Variants in SORCS2 observed in about 807,000 individuals in gnomAD.
SORCS2 encodes the protein sortilin related VPS10 domain containing receptor 2.
Under a neutral mutation model 141.6 loss-of-function variants are expected in SORCS2, and 100 were observed. The observed-to-expected ratio is 0.71, with a 90% CI of 0.60 to 0.83. The LOEUF is 0.83. Ranked by LOEUF, SORCS2 falls within the 40% of genes least tolerant of loss-of-function variation. The pLI, the probability that SORCS2 is intolerant of heterozygous loss-of-function variation, is 0.00. For synonymous variants in SORCS2, 789 were observed against 676.9 expected, an observed-to-expected ratio of 1.17 and a Z score of -2.57; for missense variants, 1,646 against 1,560.2, an observed-to-expected ratio of 1.05 and a Z score of -0.93.
chr4:7,581,020 C>T (rs1716106847), intron 3 of SORCS2, among the ~76,000 whole-genome samples: 1 of 151,970 alleles, frequency 6.6e-6, no homozygotes, highest in African/African-American at 2.4e-5. Context: ...ATGATGTCAT[C>T]ATTTTACAGA....
At chr4:7,586,280 C>T (rs188705631) in intron 3 of SORCS2, among the ~76,000 whole-genome samples, 56 of 152,266 alleles carry the variant, frequency 3.7e-4, no homozygotes, top group African/African-American at 1.3e-3. Context: ...TCTGTTTCTA[C>T]GTTTTCATTC....
intron 1 of SORCS2, among the ~76,000 whole-genome samples, chr4:7,265,224 G>A (rs1676046314): frequency 6.6e-6 from 1 of 152,210 alleles, no homozygotes; most frequent in Non-Finnish European, 1.5e-5. Flanking sequence ...TGGGCACGAT[G>A]GCTCATGTCT....
intron 3 of SORCS2, among the ~76,000 whole-genome samples, chr4:7,534,016 G>A (rs1711894770): frequency 6.6e-6 from 1 of 152,232 alleles, no homozygotes; most frequent in Non-Finnish European, 1.5e-5. Flanking sequence ...CAAGCCCTGA[G>A]ACAGGTTATT....
intron 3 of SORCS2, among the ~76,000 whole-genome samples, chr4:7,561,322 G>C (rs1714532675): frequency 6.6e-6 from 1 of 151,158 alleles, no homozygotes; most frequent in Non-Finnish European, 1.5e-5. Flanking sequence ...ACTAACTACA[G>C]ACATGGAGGG....
At chr4:7,691,274 A>G (rs1490811790) in intron 11 of SORCS2, among the ~76,000 whole-genome samples, 1 of 152,220 alleles carries the variant, frequency 6.6e-6, no homozygotes, top group East Asian at 1.9e-4. Context: ...GGCCTGGCCC[A>G]GGGTGGGCCC....
In SORCS2 at chr4:7,377,356, C is replaced by CAG. The variant is rs11381328; in HGVS notation, c.481-18932_481-18931insAG. ...CCCAGTTCCAGAACTGGGGCTGTGA[C>CAG]GGGGGGGACAGATCGGACCTTCTGC... On this transcript the variant is annotated intron_variant, in intron 1 of 26. Coordinates refer to ENST00000507866, the MANE Select transcript of SORCS2 (RefSeq NM_020777.3). Among the ~76,000 whole-genome samples, 76 of 151,556 alleles carry CAG rather than the reference C, an allele frequency of 5.0e-4. No individual in the cohort carries two copies. In the East Asian group the frequency reaches 0.015, roughly 29 times the overall value.
At chr4:7,226,040 C>T (rs563647371) in intron 1 of SORCS2, among the ~76,000 whole-genome samples, 21 of 152,272 alleles carry the variant, frequency 1.4e-4, no homozygotes, top group Admixed American at 3.9e-4. Flanking sequence ...GTTTGAACTC[C>T]GCCACCGTGA....
chr4:7,478,183 G>C (rs1177338859), intron 2 of SORCS2, among the ~76,000 whole-genome samples: 1 of 152,210 alleles, frequency 6.6e-6, no homozygotes, highest in African/African-American at 2.4e-5. Context: ...TTTGAAAAAG[G>C]CCGGGCGTGT....
rs920154196 is a variant in SORCS2 at position 7,728,251 on chromosome 4, G to A, written c.2870-99G>A. 1.2e-5 allele frequency: 9 copies of A among 781,772 alleles called. No individual in the cohort carries two copies. In the African/African-American group the frequency reaches 1.6e-4, roughly 14 times the overall value. The allele number at this position is 781,772 out of a possible 1,614,324, so 48.4% of individuals were successfully genotyped here. On this transcript the variant is annotated intron_variant, in intron 21 of 26. Transcript: ENST00000507866. ...GGGATCTGAATCAAAGGCCTCCCGG[G>A]ACCATCCAGGGCATGTGGCTGCCCC...
In SORCS2 at chr4:7,606,018, C is replaced by T. The variant is rs750912513; in HGVS notation, c.649-32310C>T. 7.9e-5 allele frequency among the ~76,000 whole-genome samples: 12 copies of T among 152,166 alleles called. 1 individual carries two copies. The highest frequency in any genetic ancestry group is 3.3e-4 in the Admixed American group (5 of 15,286). Reference sequence around the variant, plus strand: ...CGGGGGAACAGAAGAGCCACCGGAGCGTGGGGACACCACGTCAGGGAGAGG... The same window carrying T: ...CGGGGGAACAGAAGAGCCACCGGAGTGTGGGGACACCACGTCAGGGAGAGG... On this transcript the variant is annotated intron_variant, in intron 3 of 26. Coordinates refer to ENST00000507866, the MANE Select transcript of SORCS2 (RefSeq NM_020777.3).
chr4:7,339,080 T>C (rs1720210169), intron 1 of SORCS2, among the ~76,000 whole-genome samples: 1 of 152,228 alleles, frequency 6.6e-6, no homozygotes, highest in African/African-American at 2.4e-5. Flanking sequence ...AGATGTGGTA[T>C]CACCTGCCAT....
intron 1 of SORCS2, among the ~76,000 whole-genome samples, chr4:7,329,569 A>G (rs1245821572): frequency 3.3e-5 from 5 of 152,182 alleles, no homozygotes; most frequent in African/African-American, 4.8e-5. Context: ...TTCTTTGGTG[A>G]AGACCTTCAG....
At chr4:7,474,146 G>T (rs113359758) in intron 2 of SORCS2, among the ~76,000 whole-genome samples, 1 of 152,172 alleles carries the variant, frequency 6.6e-6, no homozygotes, top group Non-Finnish European at 1.5e-5. Context: ...CCAGAGCCTG[G>T]CACCTGCTCA....
At position 7,258,421 on chromosome 4, in the gene SORCS2, T is replaced by C. The variant is rs548569475; in HGVS notation, c.480+65295T>C. ...GTTTGGTTTTCTGATCTTGTGATAG[T>C]TTGCTGAGAATGATGGTTTCTAGCT... On this transcript the variant is annotated intron_variant, in intron 1 of 26. Coordinates refer to ENST00000507866, the MANE Select transcript of SORCS2 (RefSeq NM_020777.3). Among the ~76,000 whole-genome samples the C allele has an allele frequency of 9.8e-5, 15 of 152,346 alleles. 1 individual carries two copies. The South Asian group carries it at 2.1e-3, about 21-fold the overall frequency.
chr4:7,200,098 G>T (rs1011455773), intron 1 of SORCS2, among the ~76,000 whole-genome samples: 2 of 152,108 alleles, frequency 1.3e-5, no homozygotes, highest in African/African-American at 4.8e-5. Flanking sequence ...CTGCTCTGGA[G>T]GCCCTGATCC....
At chr4:7,563,028 A>T (rs1239657914) in intron 3 of SORCS2, among the ~76,000 whole-genome samples, 1 of 152,166 alleles carries the variant, frequency 6.6e-6, no homozygotes, top group Non-Finnish European at 1.5e-5. Context: ...CATTTAACCC[A>T]ATATGCCATG....
chr4:7,588,348 A>C (rs1716680376), intron 3 of SORCS2, among the ~76,000 whole-genome samples: 1 of 152,114 alleles, frequency 6.6e-6, no homozygotes, highest in Admixed American at 6.6e-5. Context: ...GATGAGGAGG[A>C]ATGGCTGTAT....
chr4:7,332,879 G>A (rs1041273490), intron 1 of SORCS2, among the ~76,000 whole-genome samples: 5 of 152,196 alleles, frequency 3.3e-5, no homozygotes, highest in African/African-American at 7.2e-5. Flanking sequence ...CCAGGCTTAC[G>A]TCCCAGCTCA....
At chr4:7,350,597 T>G (rs545131059) in intron 1 of SORCS2, among the ~76,000 whole-genome samples, 1 of 152,290 alleles carries the variant, frequency 6.6e-6, no homozygotes, top group Admixed American at 6.5e-5. Context: ...GGCATGACCC[T>G]GAAGGCCAGG....
Sources: gnomAD v4.1 joint callset for allele counts (sites outside exome capture counted in the v4.1 genomes callset) on GRCh38, gnomAD v4.1.1 for gene constraint, MANE v1.5 for transcripts, NCBI Gene and HGNC (gene_info 2026-07-23, HGNC 2026-07-21) for gene names.